RASGEF1B: variants seen among roughly 807,000 people sequenced by gnomAD.
The protein encoded by RASGEF1B is RasGEF domain family member 1B.
In RASGEF1B, 30 loss-of-function variants were observed where a neutral mutation model predicts 65.7. The ratio of observed to expected loss-of-function variants is 0.46; its 90% CI spans 0.34 to 0.62. RASGEF1B has a LOEUF of 0.62. Ranked by LOEUF, RASGEF1B falls within the 20% of genes least tolerant of loss-of-function variation. The pLI is 0.01. For missense variants in RASGEF1B, 495 were observed against 580.1 expected, an observed-to-expected ratio of 0.85 and a Z score of 1.51; for synonymous variants, 175 against 194.8, an observed-to-expected ratio of 0.90 and a Z score of 0.85.
intron 3 of RASGEF1B, 30 bp downstream of exon 3, chr4:81,457,469 C>G (rs1318062038): frequency 6.2e-7 from 1 of 1,607,578 alleles, no homozygotes; most frequent in Non-Finnish European, 8.5e-7. Flanking sequence ...GTAAGCATTC[C>G]TAATAAAACA....
intron 1 of RASGEF1B, 27 bp from the exon 2 acceptor site, chr4:81,459,541 A>G (rs773749426): frequency 6.6e-7 from 1 of 1,514,002 alleles, no homozygotes; most frequent in Non-Finnish European, 8.9e-7. Context: ...AGAAGAAAAA[A>G]TAATGTCAGC....
intron 4 of RASGEF1B, 152 bp downstream of exon 4, chr4:81,456,499 C>T (rs1458647993): frequency 1.3e-6 from 1 of 796,288 alleles, no homozygotes; most frequent in Admixed American, 1.7e-5. Flanking sequence ...TCTCACTTGA[C>T]ATACTAAATA....
chr4:81,457,532 C>T lies in RASGEF1B; in HGVS notation c.267G>A (p.Glu89=). ...LMAKVCHLCV[E]HQRLSDPDSD... ...TATCAGGATCACTTAGTCTCTGGTGCTCAACACATAAGTGGCAAACTTTGG... is the reference window on the plus strand; with the variant it reads ...TATCAGGATCACTTAGTCTCTGGTGTTCAACACATAAGTGGCAAACTTTGG... Residue 89 remains glutamate (E), a synonymous_variant, in exon 3 of 14, where the codon GAG becomes GAA. Transcript: ENST00000264400. 1.2e-6 allele frequency: 2 copies of T among 1,614,034 alleles called. No individual in the cohort carries two copies. Among genetic ancestry groups the T allele is most frequent in the Non-Finnish European group, 8.5e-7 (1 of 1,179,986 alleles).
At chr4:81,466,761 A>AGAAAGAAAGAAAGAAAG (rs1560713567) in intron 1 of RASGEF1B, among the ~76,000 whole-genome samples, 18 of 115,872 alleles carry the variant, frequency 1.6e-4, no homozygotes, top group African/African-American at 5.9e-4. Context: ...TCCATGTCAA[A>AGAAAGAAAGAAAGAAAG]AAAAAAAAAA....
intron 9 of RASGEF1B, 31 bp downstream of exon 9, chr4:81,442,266 T>C (rs759192732): frequency 1.1e-5 from 15 of 1,428,024 alleles, no homozygotes; most frequent in Non-Finnish European, 4.0e-6. Context: ...TGTAAAGTGT[T>C]ACTTAACAGC....
intron 13 of RASGEF1B, among the ~76,000 whole-genome samples, chr4:81,429,060 G>C (rs1015576881): frequency 2.6e-5 from 4 of 152,354 alleles, no homozygotes; most frequent in African/African-American, 9.6e-5. Context: ...CCAGAGCTGG[G>C]GCAGACATTA....
rs72876510 is a variant in RASGEF1B, at chr4:81,442,447, A to G, written c.929-71T>C. ...GAGAAATAAGAAAAACGATAAACAC[A>G]TACTTCTAAAATACTTTCATTACTA... is the stretch of plus-strand genomic sequence containing the variant. On this transcript the variant is annotated intron_variant, in intron 8 of 13. Transcript: ENST00000264400. 1,817 of 849,830 alleles carry G rather than the reference A, an allele frequency of 2.1e-3. 33 individuals carry two copies. The African/African-American group carries it at 0.027, about 13-fold the overall frequency. The allele number at this position is 849,830 out of a possible 1,614,324, so 52.6% of individuals were successfully genotyped here.
chr4:81,464,178 A>G (rs935281701), intron 1 of RASGEF1B, among the ~76,000 whole-genome samples: 3 of 152,180 alleles, frequency 2.0e-5, no homozygotes, highest in Admixed American at 2.0e-4. Context: ...TTTGCAACAC[A>G]GCCTCAGAAC....
intron 8 of RASGEF1B, among the ~76,000 whole-genome samples, chr4:81,443,452 A>G (rs1721916964): frequency 6.6e-6 from 1 of 152,158 alleles, no homozygotes; most frequent in South Asian, 2.1e-4. Flanking sequence ...CCCCACCACC[A>G]CAGAAATCAG....
rs1721593017 is a variant in RASGEF1B at position 81,435,515 on chromosome 4, C to CTGGAG, written c.1105-786_1105-782dup. 5.3e-5 allele frequency among the ~76,000 whole-genome samples: 6 copies of CTGGAG among 113,766 alleles called. No individual in the cohort carries two copies. In the Admixed American group the frequency reaches 6.0e-4, roughly 11 times the overall value. The allele number at this position is 113,766 out of a possible 152,430, so 74.6% of individuals were successfully genotyped here. A position where few individuals can be genotyped will look rare whatever the true frequency, so the allele number is the denominator to read the frequency against. ...ATGGAGTCTCGCTCTGTCACCCAGG[C>CTGGAG]TGGAGTGCAGTAGTGCGATCTCTGC... On this transcript the variant is annotated intron_variant, in intron 10 of 13. Coordinates refer to ENST00000264400, the MANE Select transcript of RASGEF1B (RefSeq NM_152545.3).
chr4:81,453,156 G>A (rs1475775264), intron 4 of RASGEF1B: 1 of 152,156 alleles, frequency 6.6e-6, no homozygotes, highest in Non-Finnish European at 1.5e-5. Flanking sequence ...ACTACTGAGA[G>A]AATACTAGGT....
chr4:81,471,705 C>T (rs1326159492), intron 1 of RASGEF1B, 65 bp downstream of exon 1: 3 of 152,736 alleles, frequency 2.0e-5, no homozygotes, highest in South Asian at 2.1e-4. Flanking sequence ...CAGTAGGGTC[C>T]GGAGTTCCCG....
intron 4 of RASGEF1B, chr4:81,453,489 A>G (rs767634905): frequency 3.9e-5 from 6 of 152,200 alleles, no homozygotes; most frequent in Non-Finnish European, 8.8e-5. Context: ...AATGACAAGG[A>G]AAAAAAGTCT....
rs750602722 is a variant in RASGEF1B at position 81,440,880 on chromosome 4, C to T, written c.1058G>A (p.Arg353His). The change falls in exon 10 of 14, where the codon CGT (arginine) becomes CAT (histidine). Residue 353 changes from arginine (R) to histidine (H), a missense_variant. Physicochemically the swap from Arg to His is conservative, Grantham distance 29. Coordinates refer to ENST00000264400, the MANE Select transcript of RASGEF1B (RefSeq NM_152545.3). ...SNFYNYRTAL[R>H]GAAQRSLTAH... is the part of the protein sequence containing the mutation. ...AGTTAAAGACCTTTGTGCTGCCCCA[C>T]GAAGAGCTGTTCGATAATTATAGAA... is the stretch of plus-strand genomic sequence containing the variant. The T allele has an allele frequency of 6.2e-6, 10 of 1,613,028 alleles. No homozygotes were observed. The highest frequency in any genetic ancestry group is 1.6e-4 in the Middle Eastern group (1 of 6,082).
At chr4:81,462,377 G>A (rs989842849) in intron 1 of RASGEF1B, among the ~76,000 whole-genome samples, 1 of 152,180 alleles carries the variant, frequency 6.6e-6, no homozygotes, top group African/African-American at 2.4e-5. Flanking sequence ...AATGCAAATA[G>A]TGACAGAAAC....
intron 4 of RASGEF1B, chr4:81,453,693 A>G (rs9307783): frequency 0.47 from 71,150 of 152,016 alleles, 20,324 homozygotes; most frequent in African/African-American, 0.81. Flanking sequence ...GTTGGGTGCC[A>G]AGGGAAGGTC....
chr4:81,434,827 G>C, intron 10 of RASGEF1B, 93 bp from the exon 11 acceptor site: 4 of 696,682 alleles, frequency 5.7e-6, no homozygotes, highest in South Asian at 1.6e-5. Flanking sequence ...ATTAACTTTT[G>C]ATTATATGAA....
chr4:81,444,935 C>T (rs1272499499), intron 8 of RASGEF1B, among the ~76,000 whole-genome samples: 1 of 152,132 alleles, frequency 6.6e-6, no homozygotes, highest in Admixed American at 6.5e-5. Flanking sequence ...GAGCTACTAT[C>T]AAAAGCTATT....
rs530125538 is a variant in RASGEF1B at position 81,446,206 on chromosome 4, C to T, written c.730-368G>A. On this transcript the variant is annotated intron_variant, in intron 6 of 13. Transcript: ENST00000264400. ...CCTGGCTAACATGGTGAAACCCCGT[C>T]TCTACTAAATATACAAAAAATTAGC... Among the ~76,000 whole-genome samples the T allele has an allele frequency of 2.6e-5, 4 of 152,298 alleles. No homozygotes were observed. The South Asian group carries it at 6.2e-4, about 24-fold the overall frequency.
Sources: gnomAD v4.1 joint callset for allele counts (sites outside exome capture counted in the v4.1 genomes callset) on GRCh38, gnomAD v4.1.1 for gene constraint, MANE v1.5 for transcripts, NCBI Gene and HGNC (gene_info 2026-07-23, HGNC 2026-07-21) for gene names.